The following C12orf56 variants were observed in gnomAD, a reference collection of about 807,000 sequenced individuals.
C12orf56 encodes the protein chromosome 12 open reading frame 56, also known as uncharacterized protein C12orf56.
Under a neutral mutation model 69.9 loss-of-function variants are expected in C12orf56, and 71 were observed. The observed-to-expected ratio is 1.02, with a 90% CI of 0.84 to 1.24. C12orf56 has a LOEUF of 1.24. Ranked by LOEUF, C12orf56 falls within the 50% of genes most tolerant of loss-of-function variation. The pLI is 0.00. For synonymous variants in C12orf56, 276 were observed against 274.1 expected (o/e 1.01, Z -0.07); for missense variants, 732 against 738.5 (o/e 0.99, Z 0.10).
chr12:64,359,536 A>G (rs2135959038), intron 1 of C12orf56, among the ~76,000 whole-genome samples: 1 of 152,302 alleles, frequency 6.6e-6, no homozygotes, highest in East Asian at 1.9e-4. Context: ...TCTAAAGATC[A>G]CAGCGTGTTT....
At chr12:64,362,343 C>A (rs1442263890) in intron 1 of C12orf56, among the ~76,000 whole-genome samples, 1 of 152,080 alleles carries the variant, frequency 6.6e-6, no homozygotes, top group East Asian at 1.9e-4. Flanking sequence ...ATGGATCAGG[C>A]ACAAGAAAGA....
At chr12:64,282,192 C>T (rs951536626) in intron 8 of C12orf56, among the ~76,000 whole-genome samples, 5 of 151,494 alleles carry the variant, frequency 3.3e-5, no homozygotes, top group Non-Finnish European at 7.4e-5. Context: ...CTTGTCTCTA[C>T]AAAAAAATAA....
chr12:64,317,685 A>G (rs988251015), intron 4 of C12orf56, among the ~76,000 whole-genome samples: 6 of 151,018 alleles, frequency 4.0e-5, no homozygotes, highest in Non-Finnish European at 5.9e-5. Flanking sequence ...GCTTGAATCC[A>G]GGAGGTAGAG....
intron 2 of C12orf56, among the ~76,000 whole-genome samples, chr12:64,334,689 G>C (rs995486011): frequency 6.6e-6 from 1 of 152,090 alleles, no homozygotes; most frequent in Non-Finnish European, 1.5e-5. Context: ...ACTATGGAGA[G>C]CCAATATTCA....
intron 9 of C12orf56, among the ~76,000 whole-genome samples, chr12:64,276,207 G>T (rs2038049374): frequency 6.6e-6 from 1 of 152,140 alleles, no homozygotes. Context: ...CATGCTAGGT[G>T]TTGGGGACGC....
intron 1 of C12orf56, among the ~76,000 whole-genome samples, chr12:64,354,703 G>A (rs900264985): frequency 9.3e-5 from 14 of 150,540 alleles, no homozygotes; most frequent in African/African-American, 3.4e-4. Context: ...AGGACCTCAG[G>A]TGATCCATCC....
intron 3 of C12orf56, among the ~76,000 whole-genome samples, chr12:64,325,458 T>C (rs1315963231): frequency 6.6e-6 from 1 of 151,986 alleles, no homozygotes; most frequent in Non-Finnish European, 1.5e-5. Context: ...GCCCCTACAG[T>C]CTATTTAACT....
chr12:64,315,860 G>A (rs2038685173), intron 4 of C12orf56, among the ~76,000 whole-genome samples: 1 of 151,622 alleles, frequency 6.6e-6, no homozygotes, highest in Non-Finnish European at 1.5e-5. Context: ...GAACCCGGGA[G>A]GCAGAGGTTG....
At chr12:64,332,727 C>A (rs2038948001) in intron 2 of C12orf56, among the ~76,000 whole-genome samples, 1 of 152,168 alleles carries the variant, frequency 6.6e-6, no homozygotes, top group Non-Finnish European at 1.5e-5. Flanking sequence ...CCAGTCTGGG[C>A]CAATCAATGT....
At position 64,286,057 on chromosome 12, in the gene C12orf56, T is replaced by C. The variant is rs1442668309; in HGVS notation, c.1117A>G (p.Ser373Gly). Residue 373 changes from serine to glycine, a missense_variant, in exon 7 of 13, where the codon AGT (serine) becomes GGT (glycine). Coordinates refer to ENST00000543942, the MANE Select transcript of C12orf56 (RefSeq NM_001170633.2). ...FILKRLFWKT[S>G]DLFYFIVNKL... Reference sequence around the variant, plus strand: ...TTTACTATGAAATAGAAAAGGTCACTGGTCTGTGAAAGCAAGTTGGAAAAA... The same window carrying C: ...TTTACTATGAAATAGAAAAGGTCACCGGTCTGTGAAAGCAAGTTGGAAAAA... 1 of 1,588,580 alleles carries C rather than the reference T, an allele frequency of 6.3e-7. No individual in the cohort carries two copies. Among genetic ancestry groups the C allele is most frequent in the Non-Finnish European group, 8.6e-7 (1 of 1,162,456 alleles).
At chr12:64,274,129 G>A (rs2038022764) in intron 11 of C12orf56, among the ~76,000 whole-genome samples, 1 of 152,106 alleles carries the variant, frequency 6.6e-6, no homozygotes, top group East Asian at 1.9e-4. Context: ...ACCCCAGGAA[G>A]GGGCCCTGAG....
chr12:64,298,928 G>C (rs1027278874), intron 6 of C12orf56, among the ~76,000 whole-genome samples: 1 of 152,154 alleles, frequency 6.6e-6, no homozygotes, highest in African/African-American at 2.4e-5. Flanking sequence ...AAAGTCAATA[G>C]GTAGCTTGAT....
chr12:64,293,094 G>C (rs1380817079), intron 6 of C12orf56, among the ~76,000 whole-genome samples: 2 of 152,126 alleles, frequency 1.3e-5, no homozygotes, highest in African/African-American at 4.8e-5. Context: ...CGCAGTATTC[G>C]GGTGGGAGTG....
At chr12:64,353,721 G>T (rs966934661) in intron 1 of C12orf56, among the ~76,000 whole-genome samples, 12 of 151,428 alleles carry the variant, frequency 7.9e-5, no homozygotes, top group African/African-American at 2.9e-4. Context: ...TCTCTCTGTC[G>T]CCCAGCCTGG....
intron 4 of C12orf56, among the ~76,000 whole-genome samples, chr12:64,316,305 C>G (rs1256683191): frequency 6.6e-6 from 1 of 151,974 alleles, no homozygotes; most frequent in Non-Finnish European, 1.5e-5. Context: ...TCTCTGTTGT[C>G]CAGGCTGGTC....
intron 3 of C12orf56, among the ~76,000 whole-genome samples, chr12:64,320,911 A>G (rs983359545): frequency 6.6e-6 from 1 of 152,174 alleles, no homozygotes; most frequent in Non-Finnish European, 1.5e-5. Context: ...TTTTAACCCT[A>G]TAAGAACAGT....
intron 2 of C12orf56, among the ~76,000 whole-genome samples, chr12:64,351,452 G>A (rs1429952547): frequency 6.6e-6 from 1 of 152,198 alleles, no homozygotes; most frequent in African/African-American, 2.4e-5. Flanking sequence ...GCACAGCACA[G>A]GTGAGCGTGA....
intron 3 of C12orf56, among the ~76,000 whole-genome samples, chr12:64,328,832 G>A (rs1444085894): frequency 1.3e-5 from 2 of 150,570 alleles, no homozygotes; most frequent in East Asian, 1.9e-4. Flanking sequence ...GGGAGGCTGA[G>A]GTGAGCAGAT....
chr12:64,366,069 AAT>A (rs1283813788), intron 1 of C12orf56, among the ~76,000 whole-genome samples: 6 of 125,886 alleles, frequency 4.8e-5, no homozygotes, highest in African/African-American at 1.3e-4. Context: ...TAGCTTGTAT[AAT>A]ATATAGTTTG....
Sources: allele counts gnomAD v4.1 joint callset (sites outside exome capture counted in the v4.1 genomes callset), GRCh38; gene constraint gnomAD v4.1.1; transcripts MANE v1.5; gene names NCBI Gene and HGNC (gene_info 2026-07-23, HGNC 2026-07-21).